CKAP4: variants seen among roughly 807,000 people sequenced by gnomAD.
CKAP4 encodes the protein cytoskeleton-associated protein 4.
CKAP4 carries 20 observed loss-of-function variants against 24.4 expected under a neutral mutation model. The observed-to-expected ratio is 0.82, with a 90% CI of 0.58 to 1.19. The LOEUF (loss-of-function observed/expected upper bound fraction) is 1.19. CKAP4 is among the 50% of genes most tolerant of loss of function. The probability of loss-of-function intolerance (pLI) is 0.00; values close to 1 mark genes in which losing one functional copy is unlikely to be tolerated. For missense variants in CKAP4, 744 were observed against 765.3 expected (o/e 0.97, Z 0.33); for synonymous variants, 378 against 351.7 (o/e 1.07, Z -0.84).
chr12:106,241,113 T>G (rs962424891), intron 1 of CKAP4, among the ~76,000 whole-genome samples: 4 of 152,096 alleles, frequency 2.6e-5, no homozygotes, highest in South Asian at 2.1e-4. Context: ...TAAATAAAAT[T>G]TTTAAAGCCA....
chr12:106,239,969 G>C lies in CKAP4; in HGVS notation c.864C>G (p.Ala288=). 1 of 1,614,126 alleles carries C rather than the reference G, an allele frequency of 6.2e-7. No individual in the cohort carries two copies. Among genetic ancestry groups the C allele is most frequent in the South Asian group, 1.1e-5 (1 of 91,082 alleles). Residue 288 remains alanine (A), a synonymous_variant, in exon 2 of 2, where the codon GCC becomes GCG. Transcript: ENST00000378026. The surrounding 1 kb of genome is among the most constrained non-coding windows in gnomAD (Gnocchi z 4.9). The part of the protein sequence containing the change: ...ESEGNKQDLK[A]LKEAVKEIQT... Reference sequence around the variant, plus strand: ...GTATCTCCTTCACAGCTTCCTTTAAGGCTTTCAAATCCTGCTTGTTCCCCT... The same window carrying C: ...GTATCTCCTTCACAGCTTCCTTTAACGCTTTCAAATCCTGCTTGTTCCCCT...
chr12:106,239,396 C>A lies in CKAP4; in HGVS notation c.1437G>T (p.Gln479His), dbSNP rs768071143. Residue 479 changes from glutamine (Q) to histidine (H), a missense_variant, in exon 2 of 2, where the codon CAG becomes CAT. Transcript: ENST00000378026. This position sits in a 1 kb window ranked among gnomAD's most constrained non-coding sequence, Gnocchi z 4.9. ...CCTCCACGTCACCGTAGAGCACCAG[C>A]TGGGTCTCGCCCAGGCTCCTCACCG... is the stretch of plus-strand genomic sequence containing the variant. ...ASTVRSLGET[Q>H]LVLYGDVEEL... The A allele has an allele frequency of 1.9e-6, 3 of 1,600,164 alleles. No homozygotes were observed. The highest frequency in any genetic ancestry group is 2.5e-6 in the Non-Finnish European group (3 of 1,177,764).
intron 1 of CKAP4, among the ~76,000 whole-genome samples, chr12:106,240,994 C>G (rs1367970783): frequency 6.6e-6 from 1 of 152,168 alleles, no homozygotes; most frequent in Non-Finnish European, 1.5e-5. Flanking sequence ...CACCTGAAGT[C>G]CCAACTACTT....
Position 106,247,622 on chromosome 12 carries a change from C to T in CKAP4, c.230G>A (p.Gly77Asp). 1.2e-6 allele frequency: 1 copy of T among 828,714 alleles called. No homozygotes were observed. Among genetic ancestry groups the T allele is most frequent in the Non-Finnish European group, 1.5e-6 (1 of 648,902 alleles). 51.3% of individuals were successfully genotyped at this position (828,714 alleles called of 1,614,324 possible). ...GGCGGAGGAGGAGGAGGAGGACTTG[C>T]CGCCGCCGCCGCCGCCGCCGCGGTG... is the stretch of plus-strand genomic sequence containing the variant. ...GGHRGGGGGGGKSSSSSSASA... is the reference protein window; with the variant it reads ...GGHRGGGGGGDKSSSSSSASA... Residue 77 changes from glycine (G) to aspartate (D), a missense_variant, in exon 1 of 2, where the codon GGC (glycine) becomes GAC (aspartate). Gly to Asp is a moderately conservative substitution (Grantham distance 94, BLOSUM62 -1). Transcript: ENST00000378026. The surrounding 1 kb of genome is among the most constrained non-coding windows in gnomAD (Gnocchi z 4.5).
At chr12:106,243,885 G>A (rs2033987041) in intron 1 of CKAP4, among the ~76,000 whole-genome samples, 1 of 152,198 alleles carries the variant, frequency 6.6e-6, no homozygotes, top group Admixed American at 6.5e-5. Context: ...TGCCTCAGAG[G>A]GTGGCTGGGA....
At chr12:106,244,576 GTT>G (rs1322173150) in intron 1 of CKAP4, among the ~76,000 whole-genome samples, 1 of 152,218 alleles carries the variant, frequency 6.6e-6, no homozygotes, top group Non-Finnish European at 1.5e-5. Context: ...GAGCCCAGGA[GTT>G]TGAGACCAGC....
Position 106,245,969 on chromosome 12 carries a change from G to A in CKAP4, c.483+1400C>T, listed in dbSNP as rs2034006295. Among the ~76,000 whole-genome samples the A allele has an allele frequency of 1.3e-5, 2 of 152,258 alleles. 1 individual carries two copies. Among genetic ancestry groups the A allele is most frequent in the South Asian group, 4.1e-4 (2 of 4,830 alleles). On this transcript the variant is annotated intron_variant, in intron 1 of 1. Transcript: ENST00000378026. ...AAGCAGAGAGCAACTTGGCAGGACA[G>A]ACAGCATGCTGGGAAAAGGAGGCAG...
At position 106,238,766 on chromosome 12, in the gene CKAP4, G is replaced by C. The variant is rs1423395796; in HGVS notation, c.*258C>G. The C allele has an allele frequency of 6.3e-5, 29 of 460,206 alleles. 1 individual carries two copies. In the East Asian group the frequency reaches 1.0e-3, roughly 16 times the overall value. 28.5% of individuals were successfully genotyped at this position (460,206 alleles called of 1,614,324 possible). A position where few individuals can be genotyped will look rare whatever the true frequency, so the allele number is the denominator to read the frequency against. Reference sequence around the variant, plus strand: ...AGCCTTTATCATTTTTCTCTGACTAGAGACATCCATGAAAAGCCACCTGTT... The same window carrying C: ...AGCCTTTATCATTTTTCTCTGACTACAGACATCCATGAAAAGCCACCTGTT... On this transcript the variant is annotated 3_prime_UTR_variant, in exon 2 of 2. Coordinates refer to ENST00000378026, the MANE Select transcript of CKAP4 (RefSeq NM_006825.4).
chr12:106,247,466 T>C lies in CKAP4; in HGVS notation c.386A>G (p.His129Arg). The C allele has an allele frequency of 6.5e-7, 1 of 1,546,958 alleles. No homozygotes were observed. Among genetic ancestry groups the C allele is most frequent in the Non-Finnish European group, 8.7e-7 (1 of 1,148,550 alleles). Residue 129 changes from histidine to arginine, a missense_variant, in exon 1 of 2, where the codon CAC becomes CGC. This residue lies in a region of CKAP4 where 300 missense variants were observed against 264.5 expected (regional missense o/e 1.13). Transcript: ENST00000378026. The surrounding 1 kb of genome is among the most constrained non-coding windows in gnomAD (Gnocchi z 4.5). ...AAAFSGWCVH[H>R]VLEEVQQVRR... ...GACCTGCTGGACCTCCTCCAGGACG[T>C]GGTGGACGCACCAGCCCGAGAAAGC...
chr12:106,243,514 C>A (rs1459180857), intron 1 of CKAP4, among the ~76,000 whole-genome samples: 2 of 152,194 alleles, frequency 1.3e-5, no homozygotes. Flanking sequence ...GTCCTAGTCT[C>A]ATTAAACTGT....
At position 106,247,596 on chromosome 12, in the gene CKAP4, A is replaced by C. The variant is rs1273962277; in HGVS notation, c.256T>G (p.Ser86Ala). The C allele has an allele frequency of 3.9e-5, 51 of 1,300,416 alleles. No homozygotes were observed. In the East Asian group the frequency reaches 6.7e-4, roughly 17 times the overall value. 80.6% of individuals were successfully genotyped at this position (1,300,416 alleles called of 1,614,324 possible). Residue 86 changes from serine to alanine, a missense_variant, in exon 1 of 2, where the codon TCC (serine) becomes GCC (alanine). By Grantham distance (99) the Ser-to-Ala change is moderately conservative. Transcript: ENST00000378026. The surrounding 1 kb of genome is among the most constrained non-coding windows in gnomAD (Gnocchi z 4.5). ...GGKSSSSSSA[S>A]AAAAAAAASS... ...GCGGCGGCGGCGGCAGCGGCGGCGGAGGCGGAGGAGGAGGAGGAGGACTTG... is the reference window on the plus strand; with the variant it reads ...GCGGCGGCGGCGGCAGCGGCGGCGGCGGCGGAGGAGGAGGAGGAGGACTTG...
At chr12:106,243,272 A>C (rs559625414) in intron 1 of CKAP4, among the ~76,000 whole-genome samples, 3 of 152,158 alleles carry the variant, frequency 2.0e-5, no homozygotes, top group Non-Finnish European at 4.4e-5. Context: ...CCATTTTACT[A>C]ATGAGGAAAC....
At chr12:106,244,847 G>C (rs1160894452) in intron 1 of CKAP4, among the ~76,000 whole-genome samples, 1 of 152,150 alleles carries the variant, frequency 6.6e-6, no homozygotes, top group African/African-American at 2.4e-5. Flanking sequence ...TTATTTTAGA[G>C]CCATGAGGAT....
At position 106,240,343 on chromosome 12, in the gene CKAP4, A is replaced by G; in HGVS notation, c.490T>C (p.Ser164Pro). Residue 164 changes from serine to proline, a missense_variant, in exon 2 of 2, where the codon TCT becomes CCT. This residue lies in a region of CKAP4 where 300 missense variants were observed against 264.5 expected (regional missense o/e 1.13). Transcript: ENST00000378026. ...GLQGVEQKVQ[S>P]LQATFGTFES... ...AAAGTTCCAAATGTGGCTTGCAAAG[A>G]CTGCACCTGTAATCAAAATCCAGAC... The G allele has an allele frequency of 6.2e-7, 1 of 1,608,920 alleles. No homozygotes were observed. The highest frequency in any genetic ancestry group is 8.5e-7 in the Non-Finnish European group (1 of 1,176,402).
rs548594571 is a variant in CKAP4, at chr12:106,242,746, A to G, written c.484-2397T>C. Among the ~76,000 whole-genome samples, 3 of 152,330 alleles carry G rather than the reference A, an allele frequency of 2.0e-5. No homozygotes were observed. The East Asian group carries it at 5.8e-4, about 29-fold the overall frequency. On this transcript the variant is annotated intron_variant, in intron 1 of 1. Coordinates refer to ENST00000378026, the MANE Select transcript of CKAP4 (RefSeq NM_006825.4). ...AGCAGGTGAGCACAGTACCTTCAAC[A>G]TGGCAGGCTTTCATCCAGTGTTTTT...
chr12:106,247,239 G>A lies in CKAP4; in HGVS notation c.483+130C>T. On this transcript the variant is annotated intron_variant, in intron 1 of 1. Transcript: ENST00000378026. The surrounding 1 kb of genome is among the most constrained non-coding windows in gnomAD (Gnocchi z 4.5). Reference sequence around the variant, plus strand: ...TGTCTAGGCCAGGGCCCGCCAAGGAGGAGCGGCCGGCTCCCGCCTCCGGGC... The same window carrying A: ...TGTCTAGGCCAGGGCCCGCCAAGGAAGAGCGGCCGGCTCCCGCCTCCGGGC... 1.3e-6 allele frequency: 1 copy of A among 758,066 alleles called. No individual in the cohort carries two copies. Among genetic ancestry groups the A allele is most frequent in the Non-Finnish European group, 2.0e-6 (1 of 503,882 alleles). The allele number at this position is 758,066 out of a possible 1,614,324, so 47.0% of individuals were successfully genotyped here.
In CKAP4 at chr12:106,247,493, G is replaced by T; in HGVS notation, c.359C>A (p.Ala120Asp). 1 of 1,544,238 alleles carries T rather than the reference G, an allele frequency of 6.5e-7. No homozygotes were observed. The change falls in exon 1 of 2, where the codon GCC (alanine) becomes GAC (aspartate). Residue 120 changes from alanine (A) to aspartate (D), a missense_variant. Coordinates refer to ENST00000378026, the MANE Select transcript of CKAP4 (RefSeq NM_006825.4). This position sits in a 1 kb window ranked among gnomAD's most constrained non-coding sequence, Gnocchi z 4.5. Reference sequence around the variant, plus strand: ...GTGGACGCACCAGCCCGAGAAAGCGGCCGCCGCCACCAGGGCGAGGTAGAA... The same window carrying T: ...GTGGACGCACCAGCCCGAGAAAGCGTCCGCCGCCACCAGGGCGAGGTAGAA... ...FLFYLALVAA[A>D]AFSGWCVHHV...
In CKAP4 at chr12:106,247,558, C is replaced by G. The variant is rs1329033116; in HGVS notation, c.294G>C (p.Ala98=). Residue 98 remains alanine, a synonymous_variant, in exon 1 of 2, where the codon GCG becomes GCC. Transcript: ENST00000378026. The surrounding 1 kb of genome is among the most constrained non-coding windows in gnomAD (Gnocchi z 4.5). ...AAAAAAASSS[A]SCSRRLGRAL... ...CCCTGCCGAGCCTGCGCGAGCAGGA[C>G]GCCGAGGACGAGGCGGCGGCGGCGG... 4.1e-6 allele frequency: 6 copies of G among 1,451,268 alleles called. No homozygotes were observed. The highest frequency in any genetic ancestry group is 2.3e-4 in the Middle Eastern group (1 of 4,356). 89.9% of individuals were successfully genotyped at this position (1,451,268 alleles called of 1,614,324 possible).
At chr12:106,241,267 C>T (rs1049897758) in intron 1 of CKAP4, among the ~76,000 whole-genome samples, 3 of 151,104 alleles carry the variant, frequency 2.0e-5, no homozygotes, top group African/African-American at 7.3e-5. Flanking sequence ...AGGAAAGGAA[C>T]GCTTATCAGT....
Sources: allele counts gnomAD v4.1 joint callset (sites outside exome capture counted in the v4.1 genomes callset), GRCh38; gene constraint gnomAD v4.1.1; regional missense constraint gnomAD v4.1.1; non-coding constraint Gnocchi (gnomAD v3.1); transcripts MANE v1.5; gene names NCBI Gene and HGNC (gene_info 2026-07-23, HGNC 2026-07-21).